The following CD22 variants were observed in gnomAD, a reference collection of about 807,000 sequenced individuals.
CD22 encodes B-cell receptor CD22.
Under a neutral mutation model 94.7 loss-of-function variants are expected in CD22, and 51 were observed. That is an observed-to-expected ratio of 0.54 (90% CI 0.43 to 0.68). The LOEUF (loss-of-function observed/expected upper bound fraction) is 0.68, where lower values mean the gene tolerates loss of function less well. Ranked by LOEUF, CD22 falls within the 30% of genes least tolerant of loss-of-function variation. The pLI is 0.00. For missense variants in CD22, 931 were observed against 1,060.4 expected (o/e 0.88, Z 1.69); for synonymous variants, 424 against 422.5 (o/e 1.00, Z -0.04).
chr19:35,341,323 T>C lies in CD22; in HGVS notation c.1508-20T>C, dbSNP rs914777231. 6.2e-7 allele frequency: 1 copy of C among 1,612,060 alleles called. No individual in the cohort carries two copies. The highest frequency in any genetic ancestry group is 8.5e-7 in the Non-Finnish European group (1 of 1,178,648). On this transcript the variant is annotated intron_variant, in intron 7 of 13. Transcript: ENST00000085219. This position sits in a 1 kb window ranked among gnomAD's most constrained non-coding sequence, Gnocchi z 4.0. ...AGGGACAGGGAGCGGAGAGGTCAGC[T>C]TGGGACCCTTGCCCTCCAGATGCCC... is the stretch of plus-strand genomic sequence containing the variant.
chr19:35,346,182 C>T lies in CD22; in HGVS notation c.2359C>T (p.Pro787Ser). Residue 787 changes from proline to serine, a missense_variant, in exon 13 of 14, where the codon CCC becomes TCC. Transcript: ENST00000085219. ...DAESSEMQRP[P>S]PDCDDTVTYS... Reference sequence around the variant, plus strand: ...AGAGTCCTCAGAGATGCAGAGACCTCCCCCGGACTGCGATGACACGGTCAC... The same window carrying T: ...AGAGTCCTCAGAGATGCAGAGACCTTCCCCGGACTGCGATGACACGGTCAC... 1.2e-6 allele frequency: 2 copies of T among 1,613,666 alleles called. No individual in the cohort carries two copies. Among genetic ancestry groups the T allele is most frequent in the Non-Finnish European group, 1.7e-6 (2 of 1,179,640 alleles).
intron 3 of CD22, among the ~76,000 whole-genome samples, chr19:35,333,552 C>T (rs1309811406): frequency 6.6e-6 from 1 of 152,088 alleles, no homozygotes; most frequent in Non-Finnish European, 1.5e-5. Context: ...TTTTCCCCTT[C>T]CCCTTCCTTT....
Position 35,332,722 on chromosome 19 carries a change from G to A in CD22, c.210G>A (p.Lys70=). Reference sequence around the variant, plus strand: ...CTGAGTATAACAAGAACACCTCGAAGTTTGATGGGACAAGACTCTATGAAA... The same window carrying A: ...CTGAGTATAACAAGAACACCTCGAAATTTGATGGGACAAGACTCTATGAAA... The part of the protein sequence containing the change: ...HNPEYNKNTS[K]FDGTRLYEST... Residue 70 remains lysine (K), a synonymous_variant, in exon 3 of 14, where the codon AAG becomes AAA. Transcript: ENST00000085219. 1 of 1,614,178 alleles carries A rather than the reference G, an allele frequency of 6.2e-7. No homozygotes were observed. Among genetic ancestry groups the A allele is most frequent in the Non-Finnish European group, 8.5e-7 (1 of 1,180,052 alleles).
intron 6 of CD22, among the ~76,000 whole-genome samples, 164 bp downstream of exon 6, chr19:35,338,595 C>G (rs1277017975): frequency 6.6e-6 from 1 of 151,978 alleles, no homozygotes; most frequent in Non-Finnish European, 1.5e-5. Flanking sequence ...TAGGGCCTGG[C>G]TCATGGAGGG....
rs772387010 is a variant in CD22 at position 35,332,922 on chromosome 19, C to T, written c.410C>T (p.Ser137Phe). The T allele has an allele frequency of 3.2e-5, 51 of 1,611,514 alleles. No individual in the cohort carries two copies. The East Asian group carries it at 1.0e-3, about 32-fold the overall frequency. ...ATGGAACGAATACACCTCAATGTCT[C>T]TGGTAAGGCCTTCGGGGAGCGGGTC... Reference protein sequence around the residue: ...KWMERIHLNVSERPFPPHIQL... With the variant: ...KWMERIHLNVFERPFPPHIQL... Residue 137 changes from serine to phenylalanine, a missense_variant and splice_region_variant, in exon 3 of 14, where the codon TCT becomes TTT. Physicochemically the swap from Ser to Phe is radical, Grantham distance 155. Coordinates refer to ENST00000085219, the MANE Select transcript of CD22 (RefSeq NM_001771.4).
rs2066919024 is a variant in CD22, at chr19:35,347,016, C to T, written c.*319C>T. On this transcript the variant is annotated 3_prime_UTR_variant, in exon 14 of 14. Transcript: ENST00000085219. The stretch of plus-strand genomic sequence containing the variant: ...CCCCACCACGGCCACTGGCCATCTC[C>T]ACCCCCAGCTGCTTGTGTCCCTCCT... 3.8e-6 allele frequency: 1 copy of T among 263,334 alleles called. No individual in the cohort carries two copies. Among genetic ancestry groups the T allele is most frequent in the Admixed American group, 4.9e-5 (1 of 20,222 alleles). 16.3% of individuals were successfully genotyped at this position (263,334 alleles called of 1,614,324 possible).
At position 35,336,270 on chromosome 19, in the gene CD22, T is replaced by C; in HGVS notation, c.647T>C (p.Ile216Thr). The change falls in exon 4 of 14, where the codon ATT (isoleucine) becomes ACT (threonine). Residue 216 changes from isoleucine (I) to threonine (T), a missense_variant. Coordinates refer to ENST00000085219, the MANE Select transcript of CD22 (RefSeq NM_001771.4). ...FSPQWSHHGK[I>T]VTCQLQDADG... is the part of the protein sequence containing the mutation. ...CCACAGTGGAGTCACCATGGGAAGA[T>C]TGTGACCTGCCAGCTTCAGGATGCA... 1 of 1,614,178 alleles carries C rather than the reference T, an allele frequency of 6.2e-7. No homozygotes were observed. The highest frequency in any genetic ancestry group is 1.1e-5 in the South Asian group (1 of 91,080).
In CD22 at chr19:35,338,310, G is replaced by C; in HGVS notation, c.1128G>C (p.Arg376Ser). Residue 376 changes from arginine (R) to serine (S), a missense_variant, in exon 6 of 14, where the codon AGG becomes AGC. Arg to Ser is a moderately radical substitution (Grantham distance 110). Transcript: ENST00000085219. ...ACAATGGGAAAGAAATGCAGGGAAGGACAGAGGAGAAAGTCCACATCCCAA... is the reference window on the plus strand; with the variant it reads ...ACAATGGGAAAGAAATGCAGGGAAGCACAGAGGAGAAAGTCCACATCCCAA... ...WYHNGKEMQG[R>S]TEEKVHIPKI... 1 of 1,614,240 alleles carries C rather than the reference G, an allele frequency of 6.2e-7. No homozygotes were observed. Among genetic ancestry groups the C allele is most frequent in the South Asian group, 1.1e-5 (1 of 91,084 alleles).
At chr19:35,344,759 C>A in intron 9 of CD22, 70 bp from the exon 10 acceptor site, 3 of 1,154,428 alleles carry the variant, frequency 2.6e-6, no homozygotes, top group Non-Finnish European at 3.8e-6. Context: ...GTCCAGGATG[C>A]CTTCCAGGCA....
intron 6 of CD22, among the ~76,000 whole-genome samples, chr19:35,339,380 GGT>G (rs2066773223): frequency 6.6e-6 from 1 of 151,828 alleles, no homozygotes; most frequent in African/African-American, 2.4e-5. Flanking sequence ...TGGGCAACAT[GGT>G]AAAACCCCAT....
At chr19:35,332,108 C>T (rs1568483582) in intron 2 of CD22, 34 bp downstream of exon 2, 5 of 1,613,676 alleles carry the variant, frequency 3.1e-6, no homozygotes, top group Middle Eastern at 1.7e-4. Context: ...TACTGGGGTT[C>T]TGGGATGTCA....
rs1381570182 is a variant in CD22, at chr19:35,347,138, C to T, written c.*441C>T. The stretch of plus-strand genomic sequence containing the variant: ...CACTCACGAATATTATGCCCAGTTT[C>T]TGCCTCTGAGGGAAAGCCCAGAAAA... On this transcript the variant is annotated 3_prime_UTR_variant, in exon 14 of 14. Transcript: ENST00000085219. The T allele has an allele frequency of 1.3e-5, 2 of 157,160 alleles. No homozygotes were observed. The highest frequency in any genetic ancestry group is 4.8e-5 in the African/African-American group (2 of 41,476). 9.7% of individuals were successfully genotyped at this position (157,160 alleles called of 1,614,324 possible). A position where few individuals can be genotyped will look rare whatever the true frequency, so the allele number is the denominator to read the frequency against.
At chr19:35,335,868 C>CACA (rs572802371) in intron 3 of CD22, among the ~76,000 whole-genome samples, 168 bp from the exon 4 acceptor site, 17 of 151,834 alleles carry the variant, frequency 1.1e-4, no homozygotes, top group Non-Finnish European at 1.5e-4. Flanking sequence ...AAAACAACAA[C>CACA]ACAACAACAA....
intron 9 of CD22, 145 bp downstream of exon 9, chr19:35,342,110 C>CTT (rs2066824316): frequency 1.1e-5 from 7 of 665,552 alleles, no homozygotes; most frequent in South Asian, 8.2e-5. Context: ...TCCTCTTCCT[C>CTT]CTTCTTCTTC....
intron 1 of CD22, chr19:35,331,660 C>T: frequency 4.4e-6 from 1 of 229,504 alleles, no homozygotes; most frequent in Non-Finnish European, 8.8e-6. Context: ...ACCAGCCAGG[C>T]CAACATGGTG....
At position 35,341,879 on chromosome 19, in the gene CD22, A is replaced by G; in HGVS notation, c.1949A>G (p.Lys650Arg). 1 of 1,614,094 alleles carries G rather than the reference A, an allele frequency of 6.2e-7. No individual in the cohort carries two copies. Among genetic ancestry groups the G allele is most frequent in the Non-Finnish European group, 8.5e-7 (1 of 1,180,028 alleles). Reference sequence around the variant, plus strand: ...CAGAAGCTGAGATTGGAGCCGGTGAAGGTCCAGCACTCGGGTGCCTACTGG... The same window carrying G: ...CAGAAGCTGAGATTGGAGCCGGTGAGGGTCCAGCACTCGGGTGCCTACTGG... ...HSQKLRLEPV[K>R]VQHSGAYWCQ... The change falls in exon 9 of 14, where the codon AAG (lysine) becomes AGG (arginine). Residue 650 changes from lysine (K) to arginine (R), a missense_variant. Coordinates refer to ENST00000085219, the MANE Select transcript of CD22 (RefSeq NM_001771.4). The surrounding 1 kb of genome is among the most constrained non-coding windows in gnomAD (Gnocchi z 4.0).
At chr19:35,344,104 G>A (rs550448090) in intron 9 of CD22, among the ~76,000 whole-genome samples, 2 of 152,370 alleles carry the variant, frequency 1.3e-5, no homozygotes, top group African/African-American at 4.8e-5. Context: ...GCTGAGGCAG[G>A]AGAATCGCTT....
intron 3 of CD22, chr19:35,333,218 G>T (rs73927988): frequency 2.4e-6 from 1 of 414,728 alleles, no homozygotes; most frequent in South Asian, 3.6e-5. Context: ...TGACAAACTC[G>T]TGTTTGGCCT....
intron 6 of CD22, 135 bp from the exon 7 acceptor site, chr19:35,340,746 C>A (rs2239512): frequency 3.3e-6 from 3 of 918,342 alleles, no homozygotes; most frequent in Non-Finnish European, 4.9e-6. Flanking sequence ...GCAGGAAGGA[C>A]GCACAAGCCC....
Sources: allele counts gnomAD v4.1 joint callset (sites outside exome capture counted in the v4.1 genomes callset), GRCh38; gene constraint gnomAD v4.1.1; non-coding constraint Gnocchi (gnomAD v3.1); transcripts MANE v1.5; gene names NCBI Gene and HGNC (gene_info 2026-07-23, HGNC 2026-07-21).